The following ST8SIA1 variants were observed in gnomAD, a reference collection of about 807,000 sequenced individuals.
ST8SIA1 encodes ST8 alpha-N-acetyl-neuraminide alpha-2,8-sialyltransferase 1.
In ST8SIA1, 16 loss-of-function variants were observed where a neutral mutation model predicts 35.9. The observed-to-expected ratio is 0.45, with a 90% CI of 0.30 to 0.68. The LOEUF is 0.68. Among genes scored for constraint, ST8SIA1 ranks in the 30% least tolerant of loss-of-function variants. ST8SIA1 has a pLI of 0.09. For missense variants in ST8SIA1, 383 were observed against 453.6 expected, an observed-to-expected ratio of 0.84 and a Z score of 1.41; for synonymous variants, 170 against 169.6, an observed-to-expected ratio of 1.00 and a Z score of -0.02.
rs557948446 is a variant in ST8SIA1, at chr12:22,200,681, T to C, written c.*871A>G. 6.6e-6 allele frequency: 1 copy of C among 152,340 alleles called. No homozygotes were observed. Among genetic ancestry groups the C allele is most frequent in the South Asian group, 2.1e-4 (1 of 4,822 alleles). The allele number at this position is 152,340 out of a possible 1,614,324, so 9.4% of individuals were successfully genotyped here. On this transcript the variant is annotated 3_prime_UTR_variant, in exon 5 of 5. Transcript: ENST00000396037. The stretch of plus-strand genomic sequence containing the variant: ...TCATCAACGTGCTTTACTGCATTTC[T>C]GAACATTAAATTATGAAGACAATTA...
In ST8SIA1 at chr12:22,249,106, A is replaced by T. The variant is rs1865636385; in HGVS notation, c.492-8T>A. 3.8e-6 allele frequency: 6 copies of T among 1,572,786 alleles called. No individual in the cohort carries two copies. In the East Asian group the frequency reaches 1.3e-4, roughly 35 times the overall value. On this transcript the variant is annotated splice_region_variant and splice_polypyrimidine_tract_variant and intron_variant, in intron 3 of 4. Coordinates refer to ENST00000396037, the MANE Select transcript of ST8SIA1 (RefSeq NM_003034.4). The stretch of plus-strand genomic sequence containing the variant: ...AAAGGAGGGAGATTGCATCTAGAGA[A>T]ACAAGAACAAACATTTTGGAACAAT...
At chr12:22,318,400 C>A (rs1306526471) in intron 1 of ST8SIA1, among the ~76,000 whole-genome samples, 1 of 152,214 alleles carries the variant, frequency 6.6e-6, no homozygotes, top group Non-Finnish European at 1.5e-5. Context: ...TGGCTGGCAT[C>A]TTTTCTAGGC....
In ST8SIA1 at chr12:22,200,931, T is replaced by C. The variant is rs1030095647; in HGVS notation, c.*621A>G. On this transcript the variant is annotated 3_prime_UTR_variant, in exon 5 of 5. Coordinates refer to ENST00000396037, the MANE Select transcript of ST8SIA1 (RefSeq NM_003034.4). ...GACTTGACAAAAGAGGAAGAAGCAA[T>C]TCTTATGTAAAATTTTAAAAATAGA... 3 of 152,068 alleles carry C rather than the reference T, an allele frequency of 2.0e-5. No individual in the cohort carries two copies. Among genetic ancestry groups the C allele is most frequent in the Non-Finnish European group, 2.9e-5 (2 of 68,020 alleles). 9.4% of individuals were successfully genotyped at this position (152,068 alleles called of 1,614,324 possible).
chr12:22,292,152 C>G (rs139300032), intron 1 of ST8SIA1, among the ~76,000 whole-genome samples: 2 of 152,186 alleles, frequency 1.3e-5, no homozygotes, highest in East Asian at 3.9e-4. Context: ...TGGAACTCTT[C>G]ACATCTTGTT....
chr12:22,238,589 A>T (rs1341879677), intron 4 of ST8SIA1, among the ~76,000 whole-genome samples: 1 of 152,222 alleles, frequency 6.6e-6, no homozygotes, highest in Non-Finnish European at 1.5e-5. Context: ...GAAAGATACT[A>T]AAATTATTGC....
At chr12:22,311,442 A>G (rs1271602050) in intron 1 of ST8SIA1, among the ~76,000 whole-genome samples, 2 of 152,176 alleles carry the variant, frequency 1.3e-5, no homozygotes, top group African/African-American at 4.8e-5. Context: ...AGGCTAAGCA[A>G]CATCATTCCC....
At chr12:22,213,889 T>A (rs1865203353) in intron 4 of ST8SIA1, among the ~76,000 whole-genome samples, 1 of 152,218 alleles carries the variant, frequency 6.6e-6, no homozygotes, top group Admixed American at 6.5e-5. Flanking sequence ...TACAGGGCAC[T>A]GTCCAGTCTT....
At chr12:22,325,672 T>C (rs1451255839) in intron 1 of ST8SIA1, 1 of 610,146 alleles carries the variant, frequency 1.6e-6, no homozygotes, top group Non-Finnish European at 2.9e-6. Context: ...CCAAGCCCTA[T>C]ATACCGTTTT....
At chr12:22,208,150 A>AAAG (rs927407806) in intron 4 of ST8SIA1, among the ~76,000 whole-genome samples, 6 of 151,598 alleles carry the variant, frequency 4.0e-5, no homozygotes, top group Non-Finnish European at 8.8e-5. Context: ...AAAAAAAAAA[A>AAAG]AAGAAGCAAA....
At chr12:22,202,862 G>A (rs917357249) in intron 4 of ST8SIA1, among the ~76,000 whole-genome samples, 3 of 152,176 alleles carry the variant, frequency 2.0e-5, no homozygotes, top group African/African-American at 2.4e-5. Flanking sequence ...TAAACTCGAA[G>A]GGATACTTTG....
chr12:22,238,298 T>C (rs1226002683), intron 4 of ST8SIA1, among the ~76,000 whole-genome samples: 2 of 151,782 alleles, frequency 1.3e-5, no homozygotes, highest in Admixed American at 1.3e-4. Context: ...TATTAAAACA[T>C]CACGCAATTC....
chr12:22,279,586 A>C (rs1019332), intron 2 of ST8SIA1, among the ~76,000 whole-genome samples: 37,150 of 152,076 alleles, frequency 0.24, 4,685 homozygotes, highest in African/African-American at 0.33. Context: ...ATTGTTTTAA[A>C]CGGATCTCTG....
At chr12:22,332,348 A>G (rs1866778347) in intron 1 of ST8SIA1, among the ~76,000 whole-genome samples, 1 of 152,196 alleles carries the variant, frequency 6.6e-6, no homozygotes, top group South Asian at 2.1e-4. Context: ...AGCATTTTCC[A>G]CTTGACTGTA....
Position 22,201,825 on chromosome 12 carries a change from T to C in ST8SIA1, c.798A>G (p.Arg266=). 2 of 1,614,160 alleles carry C rather than the reference T, an allele frequency of 1.2e-6. No homozygotes were observed. The highest frequency in any genetic ancestry group is 1.7e-6 in the Non-Finnish European group (2 of 1,180,002). The part of the protein sequence containing the change: ...LRSIGKFWKS[R]GIHAKRLSTG... ...TGGACAGGCGCTTGGCATGGATTCC[T>C]CTACTTTTCCAGAACTTTCCAATGC... Residue 266 remains arginine (R), a synonymous_variant, in exon 5 of 5, where the codon AGA becomes AGG. Coordinates refer to ENST00000396037, the MANE Select transcript of ST8SIA1 (RefSeq NM_003034.4).
At chr12:22,320,982 AGAAAGAAAGAAAGAAAGAAAG>A (rs1565595898) in intron 1 of ST8SIA1, among the ~76,000 whole-genome samples, 9 of 120,678 alleles carry the variant, frequency 7.5e-5, no homozygotes, top group African/African-American at 3.3e-4. Flanking sequence ...AAAGAAAGAA[AGAAAGAAAGAAAGAAAGAAAG>A]AAGAAAGAAA....
intron 4 of ST8SIA1, among the ~76,000 whole-genome samples, chr12:22,222,278 C>T (rs1359806870): frequency 6.6e-6 from 1 of 152,134 alleles, no homozygotes; most frequent in Non-Finnish European, 1.5e-5. Context: ...AATCGTTGTG[C>T]TAGATCACAT....
Position 22,287,272 on chromosome 12 carries a change from G to A in ST8SIA1, c.258C>T (p.Cys86=), listed in dbSNP as rs779739431. 10 of 1,612,574 alleles carry A rather than the reference G, an allele frequency of 6.2e-6. No individual in the cohort carries two copies. Among genetic ancestry groups the A allele is most frequent in the South Asian group, 2.2e-5 (2 of 90,930 alleles). The stretch of plus-strand genomic sequence containing the variant: ...TCATAGCAAAGAGATGGGCAGGGTC[G>A]CAGCAGTCTTCCATTTGTTTCCTAG... ...RAFRKQMEDC[C]DPAHLFAMTK... is the part of the protein sequence containing the mutation. Residue 86 remains cysteine, a synonymous_variant, in exon 2 of 5, where the codon TGC becomes TGT. Transcript: ENST00000396037.
Position 22,201,607 on chromosome 12 carries a change from G to T in ST8SIA1, c.1016C>A (p.Ala339Glu). 6.2e-7 allele frequency: 1 copy of T among 1,613,976 alleles called. No homozygotes were observed. The highest frequency in any genetic ancestry group is 8.5e-7 in the Non-Finnish European group (1 of 1,179,940). Residue 339 changes from alanine (A) to glutamate (E), a missense_variant, in exon 5 of 5, where the codon GCA becomes GAA. Transcript: ENST00000396037. ...LQLWYLHKIG[A>E]LRMQLDPCED... ...ACATGGGTCCAGCTGCATTCTCAGTGCACCGATTTTATGAAGATACCAGAG... is the reference window on the plus strand; with the variant it reads ...ACATGGGTCCAGCTGCATTCTCAGTTCACCGATTTTATGAAGATACCAGAG...
intron 1 of ST8SIA1, among the ~76,000 whole-genome samples, chr12:22,311,362 A>G (rs549414543): frequency 3.3e-5 from 5 of 152,268 alleles, no homozygotes; most frequent in African/African-American, 1.2e-4. Context: ...AGAGGGGGAT[A>G]GAAGAATTTC....
Sources: gnomAD v4.1 joint callset for allele counts (sites outside exome capture counted in the v4.1 genomes callset) on GRCh38, gnomAD v4.1.1 for gene constraint, MANE v1.5 for transcripts, NCBI Gene and HGNC (gene_info 2026-07-23, HGNC 2026-07-21) for gene names.